The following MECOM variants were observed in gnomAD, a reference collection of about 807,000 sequenced individuals.
MECOM encodes the protein histone-lysine N-methyltransferase MECOM.
In MECOM, 13 loss-of-function variants were observed where a neutral mutation model predicts 116.3. The ratio of observed to expected loss-of-function variants is 0.11; its 90% CI spans 0.07 to 0.18. MECOM has a LOEUF of 0.18. MECOM is among the 10% of genes least tolerant of loss of function. MECOM has a pLI of 1.00. For missense variants in MECOM, 1,299 were observed against 1,509.0 expected (o/e 0.86, Z 2.31); for synonymous variants, 528 against 535.2 (o/e 0.99, Z 0.19).
intron 1 of MECOM, among the ~76,000 whole-genome samples, chr3:169,606,720 A>G (rs547047603): frequency 3.9e-5 from 6 of 152,318 alleles, no homozygotes; most frequent in Admixed American, 3.3e-4. Context: ...TTGCTCTGCC[A>G]TCTCCTAGGG....
At chr3:169,633,378 A>G (rs757062280) in intron 1 of MECOM, among the ~76,000 whole-genome samples, 47 of 152,202 alleles carry the variant, frequency 3.1e-4, no homozygotes, top group Non-Finnish European at 5.7e-4. Flanking sequence ...GTTCCCATTT[A>G]TCTCATACTT....
chr3:169,294,612 A>G (rs916342942), intron 2 of MECOM, among the ~76,000 whole-genome samples: 21 of 152,188 alleles, frequency 1.4e-4, no homozygotes, highest in Admixed American at 1.0e-3. Context: ...AAAAACAAAC[A>G]AACAACCAAA....
chr3:169,451,039 A>G (rs576907737), intron 1 of MECOM, among the ~76,000 whole-genome samples: 3 of 152,286 alleles, frequency 2.0e-5, no homozygotes, highest in East Asian at 3.9e-4. Flanking sequence ...TTAAATTCCA[A>G]TCTAGATCTT....
intron 2 of MECOM, among the ~76,000 whole-genome samples, chr3:169,215,022 G>A (rs1156556684): frequency 1.3e-5 from 2 of 150,476 alleles, no homozygotes; most frequent in African/African-American, 4.9e-5. Context: ...TTTTCTTATA[G>A]GGCTTTGAAA....
chr3:169,173,421 A>G (rs981080446), intron 2 of MECOM, among the ~76,000 whole-genome samples: 3 of 152,076 alleles, frequency 2.0e-5, no homozygotes, highest in African/African-American at 7.2e-5. Flanking sequence ...TTCCCTGACA[A>G]TACTTCTAAC....
At chr3:169,530,752 G>T (rs1758519849) in intron 1 of MECOM, among the ~76,000 whole-genome samples, 1 of 152,154 alleles carries the variant, frequency 6.6e-6, no homozygotes, top group Non-Finnish European at 1.5e-5. Context: ...CCTCTGTGAT[G>T]AGAATAATAA....
intron 2 of MECOM, among the ~76,000 whole-genome samples, chr3:169,261,557 TGGGCATGGTGGC>T (rs1757538545): frequency 6.6e-6 from 1 of 151,898 alleles, no homozygotes. Context: ...AAAAATTAGC[TGGGCATGGTGGC>T]GGGCACCTGT....
At chr3:169,280,542 A>G (rs1042345838) in intron 2 of MECOM, among the ~76,000 whole-genome samples, 1 of 152,176 alleles carries the variant, frequency 6.6e-6, no homozygotes, top group Non-Finnish European at 1.5e-5. Flanking sequence ...CAAGCACACT[A>G]TATTGGAAAA....
chr3:169,187,848 T>G (rs992987889), intron 2 of MECOM, among the ~76,000 whole-genome samples: 1 of 152,132 alleles, frequency 6.6e-6, no homozygotes, highest in South Asian at 2.1e-4. Flanking sequence ...AGGGTCTCTG[T>G]TAACTTGGGT....
rs1298281045 is a variant in MECOM, at chr3:169,339,816, G to A, written c.375+41371C>T. ...CTCATATAGATGGGTTATGTACAAA[G>A]TAATGGGTGTTTGTCTTTATCACAT... On this transcript the variant is annotated intron_variant, in intron 2 of 16. Coordinates refer to ENST00000651503, the MANE Select transcript of MECOM (RefSeq NM_004991.4). 2.0e-5 allele frequency among the ~76,000 whole-genome samples: 3 copies of A among 152,098 alleles called. No individual in the cohort carries two copies. In the East Asian group the frequency reaches 5.8e-4, roughly 29 times the overall value.
At chr3:169,595,545 A>C (rs1018315754) in intron 1 of MECOM, among the ~76,000 whole-genome samples, 2 of 152,194 alleles carry the variant, frequency 1.3e-5, no homozygotes, top group South Asian at 4.1e-4. Flanking sequence ...CCCAAAAGTC[A>C]AATGTGTCCC....
intron 1 of MECOM, among the ~76,000 whole-genome samples, chr3:169,503,185 G>A (rs1203266444): frequency 1.3e-5 from 2 of 152,060 alleles, no homozygotes; most frequent in Admixed American, 6.6e-5. Flanking sequence ...ACCAAAAAAC[G>A]ATTAAAACTA....
At chr3:169,479,694 G>A (rs9821493) in intron 1 of MECOM, among the ~76,000 whole-genome samples, 19,254 of 148,006 alleles carry the variant, frequency 0.13, 1,421 homozygotes, top group African/African-American at 0.18. Context: ...TGATTCTCAG[G>A]CACAAATTTA....
intron 2 of MECOM, among the ~76,000 whole-genome samples, chr3:169,367,361 T>G (rs200074916): frequency 1.3e-5 from 2 of 151,354 alleles, no homozygotes; most frequent in African/African-American, 2.4e-5. Flanking sequence ...TTTTTTTTTG[T>G]GGGGGTAGGC....
At position 169,531,670 on chromosome 3, in the gene MECOM, C is replaced by T. The variant is rs75816731; in HGVS notation, c.37+131666G>A. On this transcript the variant is annotated intron_variant, in intron 1 of 16. Transcript: ENST00000651503. Reference sequence around the variant, plus strand: ...CTCATTTTCTGCTAAAATTGACCTTCAGCAGGAGAGTTAATGACTACTCAT... The same window carrying T: ...CTCATTTTCTGCTAAAATTGACCTTTAGCAGGAGAGTTAATGACTACTCAT... Among the ~76,000 whole-genome samples, 1,413 of 152,266 alleles carry T rather than the reference C, an allele frequency of 9.3e-3. 19 individuals carry two copies. The highest frequency in any genetic ancestry group is 0.028 in the South Asian group (137 of 4,812).
intron 12 of MECOM, among the ~76,000 whole-genome samples, chr3:169,096,118 C>T (rs1721368008): frequency 6.6e-6 from 1 of 152,010 alleles, no homozygotes; most frequent in African/African-American, 2.4e-5. Context: ...CTTCCCCTAG[C>T]TCTCATTAAT....
Position 169,394,681 on chromosome 3 carries a change from ATAT to A in MECOM, c.38-13160_38-13158del, listed in dbSNP as rs765668413. On this transcript the variant is annotated intron_variant, in intron 1 of 16. Coordinates refer to ENST00000651503, the MANE Select transcript of MECOM (RefSeq NM_004991.4). Reference sequence around the variant, plus strand: ...AGAGGGTGGTCCACATCTCTGGTACATATTATGAGCCATAGGAGATGCTTAACA... The same window carrying A: ...AGAGGGTGGTCCACATCTCTGGTACATATGAGCCATAGGAGATGCTTAACA... 5.3e-5 allele frequency among the ~76,000 whole-genome samples: 8 copies of A among 152,314 alleles called. No individual in the cohort carries two copies. The East Asian group carries it at 1.5e-3, about 29-fold the overall frequency.
chr3:169,262,469 T>C (rs946133220), intron 2 of MECOM, among the ~76,000 whole-genome samples: 3 of 152,242 alleles, frequency 2.0e-5, no homozygotes, highest in African/African-American at 7.2e-5. Flanking sequence ...TATCAATTCC[T>C]ACATTTACTC....
intron 12 of MECOM, among the ~76,000 whole-genome samples, chr3:169,096,777 T>C (rs189774988): frequency 6.6e-6 from 1 of 152,264 alleles, no homozygotes; most frequent in Non-Finnish European, 1.5e-5. Context: ...GTCAGTTCAG[T>C]AGGAAAAATA....
Sources: allele counts gnomAD v4.1 joint callset (sites outside exome capture counted in the v4.1 genomes callset), GRCh38; gene constraint gnomAD v4.1.1; transcripts MANE v1.5; gene names NCBI Gene and HGNC (gene_info 2026-07-23, HGNC 2026-07-21).